The following SDCCAG8 variants were observed in gnomAD, a reference collection of about 807,000 sequenced individuals.
The protein encoded by SDCCAG8 is SHH signaling and ciliogenesis regulator SDCCAG8.
In SDCCAG8, 74 loss-of-function variants were observed where a neutral mutation model predicts 101.8. The ratio of observed to expected loss-of-function variants is 0.73; its 90% CI spans 0.60 to 0.88. SDCCAG8 has a LOEUF of 0.88. SDCCAG8 is among the 40% of genes least tolerant of loss of function. SDCCAG8 has a pLI of 0.00. For missense variants in SDCCAG8, 787 were observed against 822.6 expected, an observed-to-expected ratio of 0.96 and a Z score of 0.53; for synonymous variants, 281 against 292.9, an observed-to-expected ratio of 0.96 and a Z score of 0.41.
At chr1:243,499,052 C>CT (rs976533118) in intron 17 of SDCCAG8, among the ~76,000 whole-genome samples, 3 of 152,228 alleles carry the variant, frequency 2.0e-5, no homozygotes, top group African/African-American at 7.2e-5. Context: ...GCTTCTGACT[C>CT]TAGTTCCTGA....
intron 1 of SDCCAG8, 48 bp from the exon 2 acceptor site, chr1:243,270,057 G>A (rs1291557419): frequency 6.2e-7 from 1 of 1,613,800 alleles, no homozygotes; most frequent in Non-Finnish European, 8.5e-7. Context: ...TGTCCGTTTG[G>A]TCAACCAGAC....
chr1:243,354,069 A>G (rs2076253338), intron 12 of SDCCAG8, among the ~76,000 whole-genome samples: 1 of 152,216 alleles, frequency 6.6e-6, no homozygotes, highest in African/African-American at 2.4e-5. Context: ...GACCATGAGT[A>G]CAAAGTCATG....
chr1:243,446,183 C>A (rs779511500), intron 16 of SDCCAG8, among the ~76,000 whole-genome samples: 1 of 152,194 alleles, frequency 6.6e-6, no homozygotes, highest in Non-Finnish European at 1.5e-5. Context: ...TTGGAAGGAA[C>A]TACCTGAGTC....
At position 243,458,077 on chromosome 1, in the gene SDCCAG8, C is replaced by T. The variant is rs1574154371; in HGVS notation, c.1986-30937C>T. Among the ~76,000 whole-genome samples, 1 of 152,220 alleles carries T rather than the reference C, an allele frequency of 6.6e-6. No homozygotes were observed. ...CCCAAAATGACGAAGACACAAGATA[C>T]AGTTCTGTCCTCATCTTGACTTTTG... On this transcript the variant is annotated intron_variant, in intron 16 of 17. Coordinates refer to ENST00000366541, the MANE Select transcript of SDCCAG8 (RefSeq NM_006642.5). This position sits in a 1 kb window ranked among gnomAD's most constrained non-coding sequence, Gnocchi z 4.5.
chr1:243,346,301 C>T (rs1227569486), intron 12 of SDCCAG8: 4 of 154,284 alleles, frequency 2.6e-5, no homozygotes, highest in Non-Finnish European at 5.9e-5. Flanking sequence ...CTTTTAAAAG[C>T]GGGGCATGTT....
At chr1:243,301,629 C>T (rs150635752) in intron 6 of SDCCAG8, among the ~76,000 whole-genome samples, 6 of 152,166 alleles carry the variant, frequency 3.9e-5, no homozygotes, top group African/African-American at 1.4e-4. Flanking sequence ...TCACTGCAGC[C>T]GTGCCAACAC....
chr1:243,466,144 C>T (rs1216048850), intron 16 of SDCCAG8, among the ~76,000 whole-genome samples: 1 of 152,132 alleles, frequency 6.6e-6, no homozygotes, highest in Non-Finnish European at 1.5e-5. Context: ...TTTGGGGGCC[C>T]CAGTTAACAC....
chr1:243,437,188 T>C lies in SDCCAG8; in HGVS notation c.1985+10630T>C, dbSNP rs2082191325. On this transcript the variant is annotated intron_variant, in intron 16 of 17. Transcript: ENST00000366541. ...TTGTGTTTGTTGCTTTGCCTTAGAC[T>C]CTACAATTTTAAACATTGAATATTA... Among the ~76,000 whole-genome samples the C allele has an allele frequency of 2.0e-5, 3 of 152,224 alleles. No individual in the cohort carries two copies. In the South Asian group the frequency reaches 6.2e-4, roughly 31 times the overall value.
chr1:243,446,474 C>A (rs981395309), intron 16 of SDCCAG8, among the ~76,000 whole-genome samples: 2 of 152,164 alleles, frequency 1.3e-5, no homozygotes, highest in Non-Finnish European at 2.9e-5. Flanking sequence ...CTTTGTTGCC[C>A]AGGCTGGTCT....
Position 243,426,504 on chromosome 1 carries a change from A to G in SDCCAG8, c.1931A>G (p.Glu644Gly), listed in dbSNP as rs1441286815. The G allele has an allele frequency of 1.2e-6, 2 of 1,613,898 alleles. No homozygotes were observed. Among genetic ancestry groups the G allele is most frequent in the African/African-American group, 2.7e-5 (2 of 74,924 alleles). The change falls in exon 16 of 18, where the codon GAA (glutamate) becomes GGA (glycine). Residue 644 changes from glutamate to glycine, a missense_variant. By Grantham distance (98) the Glu-to-Gly change is moderately conservative. Transcript: ENST00000366541. Reference sequence around the variant, plus strand: ...GGAAAGTTACAGAGAAGAAATGAAGAATTGGAGGAACAGTGTGTCCAGCAT... The same window carrying G: ...GGAAAGTTACAGAGAAGAAATGAAGGATTGGAGGAACAGTGTGTCCAGCAT... Reference protein sequence around the residue: ...KLGKLQRRNEELEEQCVQHGR... With the variant: ...KLGKLQRRNEGLEEQCVQHGR...
At position 243,256,080 on chromosome 1, in the gene SDCCAG8, C is replaced by G; in HGVS notation, c.-94C>G. 2.5e-6 allele frequency: 3 copies of G among 1,186,224 alleles called. No homozygotes were observed. The highest frequency in any genetic ancestry group is 2.4e-5 in the South Asian group (2 of 82,492). The allele number at this position is 1,186,224 out of a possible 1,614,324, so 73.5% of individuals were successfully genotyped here. A position where few individuals can be genotyped will look rare whatever the true frequency, so the allele number is the denominator to read the frequency against. On this transcript the variant is annotated 5_prime_UTR_variant, in exon 1 of 18. Coordinates refer to ENST00000366541, the MANE Select transcript of SDCCAG8 (RefSeq NM_006642.5). ...TGTGACAGCCGCGGCAGGAAGCAGG[C>G]GGGCGCTCCCCGGCCACAGGCCTGT...
At chr1:243,300,983 T>C (rs903920598) in intron 6 of SDCCAG8, among the ~76,000 whole-genome samples, 9 of 152,204 alleles carry the variant, frequency 5.9e-5, no homozygotes, top group African/African-American at 1.9e-4. Context: ...GAAAGAGGTA[T>C]GTCATAAATG....
chr1:243,295,063 T>C (rs1242824961), intron 6 of SDCCAG8, among the ~76,000 whole-genome samples: 1 of 152,106 alleles, frequency 6.6e-6, no homozygotes, highest in Non-Finnish European at 1.5e-5. Context: ...GTATCCTTCT[T>C]CAAAAAAGAA....
At chr1:243,366,241 A>G (rs1458158720) in intron 12 of SDCCAG8, among the ~76,000 whole-genome samples, 1 of 152,094 alleles carries the variant, frequency 6.6e-6, no homozygotes, top group African/African-American at 2.4e-5. Flanking sequence ...AGATAGTGAA[A>G]GCATCTGTAT....
rs538587609 is a variant in SDCCAG8 at position 243,459,519 on chromosome 1, G to T, written c.1986-29495G>T. 6.3e-4 allele frequency among the ~76,000 whole-genome samples: 95 copies of T among 151,998 alleles called. 1 individual carries two copies. Among genetic ancestry groups the T allele is most frequent in the African/African-American group, 2.1e-3 (86 of 41,434 alleles). On this transcript the variant is annotated intron_variant, in intron 16 of 17. Coordinates refer to ENST00000366541, the MANE Select transcript of SDCCAG8 (RefSeq NM_006642.5). ...TACAGAAAGGCTTGGGGGGTGGGGG[G>T]TGGAAATAATTGTACCTAAAATGAA... is the stretch of plus-strand genomic sequence containing the variant.
intron 13 of SDCCAG8, among the ~76,000 whole-genome samples, chr1:243,409,238 T>C (rs979948358): frequency 2.0e-5 from 3 of 152,106 alleles, no homozygotes; most frequent in African/African-American, 7.2e-5. Flanking sequence ...CAAACAAGTA[T>C]GTTGAGGATA....
At chr1:243,492,547 G>A (rs563663767) in intron 17 of SDCCAG8, among the ~76,000 whole-genome samples, 3 of 146,902 alleles carry the variant, frequency 2.0e-5, no homozygotes, top group South Asian at 2.1e-4. Context: ...CAAATGATCC[G>A]CCCACCTTAG....
At chr1:243,440,872 C>T (rs1184307422) in intron 16 of SDCCAG8, among the ~76,000 whole-genome samples, 1 of 152,116 alleles carries the variant, frequency 6.6e-6, no homozygotes. Flanking sequence ...ATGCAGGCTG[C>T]TGGTGATGGG....
chr1:243,482,366 G>C (rs943656750), intron 16 of SDCCAG8, among the ~76,000 whole-genome samples: 1 of 152,182 alleles, frequency 6.6e-6, no homozygotes, highest in Admixed American at 6.5e-5. Flanking sequence ...TGAGTCCCCT[G>C]TGATTTCATC....
Sources: gnomAD v4.1 joint callset for allele counts (sites outside exome capture counted in the v4.1 genomes callset) on GRCh38, gnomAD v4.1.1 for gene constraint, Gnocchi (gnomAD v3.1) non-coding constraint, MANE v1.5 for transcripts, NCBI Gene and HGNC (gene_info 2026-07-23, HGNC 2026-07-21) for gene names.